ROBO1: variants seen among roughly 807,000 people sequenced by gnomAD.
ROBO1 encodes the protein roundabout guidance receptor 1, also known as roundabout homolog 1.
ROBO1 carries 149 observed loss-of-function variants against 195.9 expected under a neutral mutation model. The observed-to-expected ratio is 0.76, with a 90% confidence interval of 0.67 to 0.87. The LOEUF is 0.87. Ranked by LOEUF, ROBO1 falls within the 40% of genes least tolerant of loss-of-function variation. ROBO1 has a pLI of 0.00. For synonymous variants in ROBO1, 816 were observed against 733.2 expected (o/e 1.11, Z -1.82); for missense variants, 1,933 against 2,068.3 (o/e 0.93, Z 1.27).
At chr3:79,527,544 A>G (rs1020936200) in intron 2 of ROBO1, among the ~76,000 whole-genome samples, 1 of 152,144 alleles carries the variant, frequency 6.6e-6, no homozygotes, top group East Asian at 1.9e-4. Flanking sequence ...TTATCTCTAG[A>G]TAGAAAAAGA....
intron 3 of ROBO1, among the ~76,000 whole-genome samples, chr3:79,120,900 A>G (rs1449158428): frequency 1.3e-5 from 2 of 152,182 alleles, no homozygotes; most frequent in African/African-American, 4.8e-5. Context: ...AGATAATGGG[A>G]AAAATGATTA....
chr3:79,300,546 G>A (rs553307264), intron 2 of ROBO1, among the ~76,000 whole-genome samples: 10 of 152,290 alleles, frequency 6.6e-5, no homozygotes, highest in South Asian at 4.1e-4. Flanking sequence ...CCCACTGAGC[G>A]CTGACCCCCG....
chr3:79,049,966 C>T (rs1005906773), intron 3 of ROBO1, among the ~76,000 whole-genome samples: 4 of 152,104 alleles, frequency 2.6e-5, no homozygotes, highest in African/African-American at 9.7e-5. Flanking sequence ...ACCATTGACG[C>T]TATGAATAAA....
At chr3:78,986,003 C>T (rs1487510389) in intron 3 of ROBO1, among the ~76,000 whole-genome samples, 1 of 152,074 alleles carries the variant, frequency 6.6e-6, no homozygotes. Flanking sequence ...AGTTAATGAT[C>T]ATGCACAAGA....
intron 3 of ROBO1, among the ~76,000 whole-genome samples, chr3:78,983,964 A>G (rs1005023539): frequency 1.3e-5 from 2 of 152,220 alleles, no homozygotes; most frequent in Non-Finnish European, 2.9e-5. Context: ...GCAAAGTCCA[A>G]TAAGGTGAAA....
At chr3:78,627,817 T>C (rs1704910958) in intron 25 of ROBO1, among the ~76,000 whole-genome samples, 1 of 152,162 alleles carries the variant, frequency 6.6e-6, no homozygotes, top group Non-Finnish European at 1.5e-5. Flanking sequence ...ATAAAAAAAT[T>C]CACTTAACAT....
Position 78,714,471 on chromosome 3 carries a change from T to TCAC in ROBO1, c.968_970dup (p.Gly323dup). 6.2e-7 allele frequency: 1 copy of TCAC among 1,613,116 alleles called. No homozygotes were observed. Among genetic ancestry groups the TCAC allele is most frequent in the Non-Finnish European group, 8.5e-7 (1 of 1,179,460 alleles). ...TGCAACACAAGTGTATGAACCCATG[T>TCAC]CACCAGCTGTCACCTTCCTAATTTT... On this transcript the variant is annotated inframe_insertion, in exon 8 of 31. Transcript: ENST00000464233.
chr3:79,536,613 CTAAT>C (rs1429597602), intron 2 of ROBO1, among the ~76,000 whole-genome samples: 1 of 152,072 alleles, frequency 6.6e-6, no homozygotes, highest in African/African-American at 2.4e-5. Flanking sequence ...AGCCTGCTAA[CTAAT>C]CAAGTACAGT....
chr3:79,244,682 G>A (rs764377151), intron 2 of ROBO1, among the ~76,000 whole-genome samples: 7 of 151,986 alleles, frequency 4.6e-5, no homozygotes, highest in African/African-American at 1.7e-4. Flanking sequence ...ACCAAGTTTC[G>A]TATCTATGCT....
intron 1 of ROBO1, among the ~76,000 whole-genome samples, chr3:79,648,308 C>T (rs1576174652): frequency 6.6e-6 from 1 of 152,172 alleles, no homozygotes; most frequent in East Asian, 1.9e-4. Flanking sequence ...TGCATAATCC[C>T]TAGCCATAAA....
intron 2 of ROBO1, among the ~76,000 whole-genome samples, chr3:79,487,558 C>T (rs945840696): frequency 1.3e-5 from 2 of 152,084 alleles, no homozygotes; most frequent in Admixed American, 1.3e-4. Context: ...TTTATCTTAC[C>T]CTTAAAGAGT....
At chr3:79,286,569 C>T (rs1445265561) in intron 2 of ROBO1, among the ~76,000 whole-genome samples, 1 of 152,108 alleles carries the variant, frequency 6.6e-6, no homozygotes, top group African/African-American at 2.4e-5. Flanking sequence ...GTCCCCTATG[C>T]CCACCAACCT....
chr3:78,860,229 T>G (rs1385766264), intron 4 of ROBO1, among the ~76,000 whole-genome samples: 1 of 149,568 alleles, frequency 6.7e-6, no homozygotes, highest in Non-Finnish European at 1.5e-5. Flanking sequence ...ATAAGGAGTT[T>G]GGATTTGTGC....
intron 2 of ROBO1, among the ~76,000 whole-genome samples, chr3:79,588,999 T>C (rs984720912): frequency 4.6e-5 from 7 of 151,658 alleles, no homozygotes. Flanking sequence ...AATATCAAAA[T>C]AAATATAACC....
chr3:78,661,359 T>C (rs1707392941), intron 15 of ROBO1, 98 bp from the exon 16 acceptor site: 1 of 675,834 alleles, frequency 1.5e-6, no homozygotes, highest in African/African-American at 1.8e-5. Flanking sequence ...CAAAATTCTG[T>C]CTGGCTTCAT....
At chr3:78,940,607 A>G (rs2040078620) in intron 3 of ROBO1, among the ~76,000 whole-genome samples, 1 of 152,248 alleles carries the variant, frequency 6.6e-6, no homozygotes, top group Admixed American at 6.5e-5. Flanking sequence ...GTAATCTTAC[A>G]GTAGAATACA....
intron 8 of ROBO1, among the ~76,000 whole-genome samples, chr3:78,704,789 C>T (rs1162537266): frequency 6.6e-6 from 1 of 151,962 alleles, no homozygotes; most frequent in Non-Finnish European, 1.5e-5. Flanking sequence ...CTGCAGTGAG[C>T]CATGATTGTG....
At chr3:78,766,666 T>C in intron 4 of ROBO1, among the ~76,000 whole-genome samples, 1 of 152,178 alleles carries the variant, frequency 6.6e-6, no homozygotes, top group South Asian at 2.1e-4. Context: ...TGAAGAGGAA[T>C]GGTGAGAGTG....
intron 2 of ROBO1, among the ~76,000 whole-genome samples, chr3:79,214,144 G>A (rs1272488248): frequency 6.6e-6 from 1 of 152,032 alleles, no homozygotes; most frequent in Non-Finnish European, 1.5e-5. Context: ...GTGAGATGCT[G>A]TGTTCCAGGT....
Sources: gnomAD v4.1 joint callset for allele counts (sites outside exome capture counted in the v4.1 genomes callset) on GRCh38, gnomAD v4.1.1 for gene constraint, MANE v1.5 for transcripts, NCBI Gene and HGNC (gene_info 2026-07-23, HGNC 2026-07-21) for gene names.